The following PRKCE variants were observed in gnomAD, a reference collection of about 807,000 sequenced individuals.
The protein encoded by PRKCE is protein kinase C epsilon.
PRKCE carries 16 observed loss-of-function variants against 85.4 expected under a neutral mutation model. The observed-to-expected ratio is 0.19, with a 90% confidence interval of 0.13 to 0.28. The LOEUF is 0.28. Among genes scored for constraint, PRKCE ranks in the 10% least tolerant of loss-of-function variants. The pLI is 1.00. For synonymous variants in PRKCE, 388 were observed against 371.5 expected, an observed-to-expected ratio of 1.04 and a Z score of -0.51; for missense variants, 573 against 975.2, an observed-to-expected ratio of 0.59 and a Z score of 5.49.
intron 1 of PRKCE, among the ~76,000 whole-genome samples, chr2:45,794,850 C>G (rs954623680): frequency 4.6e-5 from 7 of 151,224 alleles, no homozygotes; most frequent in Admixed American, 1.3e-4. Context: ...GCCCTACCCC[C>G]CCCCCCATCC....
At chr2:45,938,665 C>T (rs1339298807) in intron 2 of PRKCE, among the ~76,000 whole-genome samples, 1 of 152,148 alleles carries the variant, frequency 6.6e-6, no homozygotes, top group Non-Finnish European at 1.5e-5. Context: ...GCTGCCTTTC[C>T]CTGGCTGTTT....
intron 11 of PRKCE, among the ~76,000 whole-genome samples, chr2:46,130,554 A>G (rs1353379161): frequency 7.9e-5 from 12 of 152,350 alleles, no homozygotes; most frequent in Non-Finnish European, 1.0e-4. Flanking sequence ...TTTTTAAGTC[A>G]TGATTTCTTT....
At chr2:45,881,744 A>C (rs1694905590) in intron 2 of PRKCE, among the ~76,000 whole-genome samples, 1 of 152,232 alleles carries the variant, frequency 6.6e-6, no homozygotes, top group Admixed American at 6.5e-5. Context: ...AGGTAGAGCC[A>C]AGTTGCAAAC....
intron 1 of PRKCE, among the ~76,000 whole-genome samples, chr2:45,688,254 G>C (rs1417566723): frequency 2.6e-5 from 4 of 151,838 alleles, no homozygotes; most frequent in African/African-American, 9.7e-5. Context: ...TTAATGGCTG[G>C]GCAGGTAAAT....
chr2:46,021,211 C>G (rs532324775), intron 10 of PRKCE, among the ~76,000 whole-genome samples: 2 of 152,112 alleles, frequency 1.3e-5, no homozygotes, highest in Non-Finnish European at 1.5e-5. Flanking sequence ...GCTAGGAAGC[C>G]GTGAGGAAGA....
chr2:46,006,935 A>C (rs971880990), intron 8 of PRKCE, among the ~76,000 whole-genome samples: 4 of 152,248 alleles, frequency 2.6e-5, no homozygotes, highest in African/African-American at 9.6e-5. Flanking sequence ...CCCGGCAACA[A>C]GGCTGAGTAA....
At chr2:45,657,341 G>A (rs1016137901) in intron 1 of PRKCE, among the ~76,000 whole-genome samples, 3 of 152,116 alleles carry the variant, frequency 2.0e-5, no homozygotes, top group Admixed American at 6.6e-5. Context: ...GACCTTTAGC[G>A]AGTGACTTAA....
chr2:45,771,458 G>A (rs1011106866), intron 1 of PRKCE, among the ~76,000 whole-genome samples: 2 of 152,058 alleles, frequency 1.3e-5, no homozygotes, highest in Admixed American at 1.3e-4. Context: ...CCTGTCGGCC[G>A]GCCTCAGGGT....
chr2:45,891,324 T>C (rs1483771660), intron 2 of PRKCE, among the ~76,000 whole-genome samples: 1 of 152,160 alleles, frequency 6.6e-6, no homozygotes. Context: ...AAGGAACTTT[T>C]TGGAAGCCCA....
intron 1 of PRKCE, among the ~76,000 whole-genome samples, chr2:45,817,163 C>T (rs1689131592): frequency 6.6e-6 from 1 of 151,230 alleles, no homozygotes; most frequent in South Asian, 2.1e-4. Context: ...CAACGCTTTG[C>T]AGCCCTGCCT....
intron 12 of PRKCE, among the ~76,000 whole-genome samples, chr2:46,147,773 A>G (rs1395791623): frequency 6.6e-6 from 1 of 152,154 alleles, no homozygotes; most frequent in Non-Finnish European, 1.5e-5. Context: ...GGTTATCATC[A>G]TTGTTGGGTT....
chr2:46,103,736 G>C (rs1221806709), intron 11 of PRKCE, among the ~76,000 whole-genome samples: 1 of 152,046 alleles, frequency 6.6e-6, no homozygotes, highest in Non-Finnish European at 1.5e-5. Context: ...ATGTAAGCTA[G>C]AGAAAAGAAA....
intron 6 of PRKCE, among the ~76,000 whole-genome samples, chr2:45,988,751 G>A (rs1440619019): frequency 6.6e-6 from 1 of 152,184 alleles, no homozygotes; most frequent in Non-Finnish European, 1.5e-5. Context: ...CTATTAAACA[G>A]TCCAGAAATC....
chr2:46,000,714 T>C (rs1041723874), intron 6 of PRKCE, among the ~76,000 whole-genome samples: 4 of 152,206 alleles, frequency 2.6e-5, no homozygotes, highest in Admixed American at 6.5e-5. Flanking sequence ...CTTAGAGTTT[T>C]TGACTCTCAG....
intron 2 of PRKCE, among the ~76,000 whole-genome samples, chr2:45,910,042 C>CA (rs1697265563): frequency 7.5e-6 from 1 of 133,160 alleles, no homozygotes; most frequent in East Asian, 2.0e-4. Flanking sequence ...GTAAACTCAC[C>CA]GCCCCCCCCC....
chr2:45,762,437 C>G (rs1239181588), intron 1 of PRKCE, among the ~76,000 whole-genome samples: 1 of 152,214 alleles, frequency 6.6e-6, no homozygotes, highest in East Asian at 1.9e-4. Context: ...ATGGGATGAG[C>G]TGGGTGGCCT....
intron 2 of PRKCE, chr2:45,851,863 G>C (rs1338962013): frequency 6.6e-6 from 1 of 152,178 alleles, no homozygotes; most frequent in African/African-American, 2.4e-5. Context: ...TTGAAATTTA[G>C]GATTCCCTCG....
At chr2:46,010,179 C>A in intron 9 of PRKCE, among the ~76,000 whole-genome samples, 165 bp from the exon 10 acceptor site, 1 of 152,218 alleles carries the variant, frequency 6.6e-6, no homozygotes, top group East Asian at 1.9e-4. Flanking sequence ...CCTTCTACCT[C>A]AGCCTCCCAA....
intron 2 of PRKCE, among the ~76,000 whole-genome samples, chr2:45,933,892 G>A (rs1573932874): frequency 6.6e-6 from 1 of 152,170 alleles, no homozygotes. Context: ...TGGTAACAGG[G>A]TCGGGGGACT....
Sources: allele counts gnomAD v4.1 joint callset (sites outside exome capture counted in the v4.1 genomes callset), GRCh38; gene constraint gnomAD v4.1.1; transcripts MANE v1.5; gene names NCBI Gene and HGNC (gene_info 2026-07-23, HGNC 2026-07-21).